SLC38A6: variants seen among roughly 807,000 people sequenced by gnomAD.
The protein encoded by SLC38A6 is solute carrier family 38 member 6, also known as N system amino acid transporter NAT-1.
Under a neutral mutation model 65.0 loss-of-function variants are expected in SLC38A6, and 73 were observed. The ratio of observed to expected loss-of-function variants is 1.12; its 90% CI spans 0.93 to 1.37. The LOEUF (loss-of-function observed/expected upper bound fraction) is 1.37, where lower values mean the gene tolerates loss of function less well. Among genes scored for constraint, SLC38A6 ranks in the 40% most tolerant of loss-of-function variants. The pLI is 0.00. For synonymous variants in SLC38A6, 183 were observed against 178.8 expected, an observed-to-expected ratio of 1.02 and a Z score of -0.19; for missense variants, 561 against 531.1, an observed-to-expected ratio of 1.06 and a Z score of -0.55.
intron 15 of SLC38A6, among the ~76,000 whole-genome samples, chr14:61,077,441 G>A (rs1243693294): frequency 6.6e-6 from 1 of 152,126 alleles, no homozygotes; most frequent in African/African-American, 2.4e-5. Flanking sequence ...ATCTAAATAA[G>A]TTCTGGTTTA....
chr14:61,046,019 C>A, intron 11 of SLC38A6, 48 bp from the exon 12 acceptor site: 1 of 1,164,040 alleles, frequency 8.6e-7, no homozygotes, highest in Non-Finnish European at 1.3e-6. Context: ...TGTTTCTTTA[C>A]ATATAATTCA....
In SLC38A6 at chr14:61,037,065, G is replaced by A. The variant is rs2041442075; in HGVS notation, c.489G>A (p.Trp163Ter). 1.3e-6 allele frequency: 2 copies of A among 1,584,072 alleles called. No individual in the cohort carries two copies. The highest frequency in any genetic ancestry group is 1.4e-5 in the African/African-American group (1 of 73,766). ...EFLTGDYSRY[W>*]YLDGQTLLII... ...AGAACTTTTTTTATAATAGATATTG[G>A]TATCTTGATGGACAAACACTACTAA... The change falls in exon 7 of 16, where the codon TGG (tryptophan) becomes TGA (stop). Residue 163 changes from tryptophan to a stop codon, truncating the protein, a stop_gained. Coordinates refer to ENST00000267488, the MANE Select transcript of SLC38A6 (RefSeq NM_153811.3). LOFTEE classifies it high-confidence loss of function.
At chr14:61,021,350 A>G (rs1339292753) in intron 5 of SLC38A6, among the ~76,000 whole-genome samples, 2 of 152,212 alleles carry the variant, frequency 1.3e-5, no homozygotes, top group African/African-American at 4.8e-5. Context: ...AATATAAAAA[A>G]GACACTAGAC....
rs1404194756 is a variant in SLC38A6, at chr14:61,039,800, T to C, written c.624+2117T>C. Among the ~76,000 whole-genome samples the C allele has an allele frequency of 7.9e-5, 12 of 152,252 alleles. No homozygotes were observed. In the East Asian group the frequency reaches 2.3e-3, roughly 29 times the overall value. The stretch of plus-strand genomic sequence containing the variant: ...TTTTCATTTATTATTCTTGTCAATA[T>C]GTGTTTGTAAATATGTATAGCATTT... On this transcript the variant is annotated intron_variant, in intron 8 of 15. Transcript: ENST00000267488.
chr14:61,051,831 C>G lies in SLC38A6; in HGVS notation c.1095C>G (p.Phe365Leu), dbSNP rs771388154. The G allele has an allele frequency of 6.8e-6, 11 of 1,612,354 alleles. No homozygotes were observed. The highest frequency in any genetic ancestry group is 9.3e-6 in the Non-Finnish European group (11 of 1,179,354). ...VTMMFFSNFP[F>L]SWIRHFLITL... is the part of the protein sequence containing the mutation. ...TGATGTTTTTCTCCAATTTTCCATTCTCATGGATTCGCCATTTTTTGATCA... is the reference window on the plus strand; with the variant it reads ...TGATGTTTTTCTCCAATTTTCCATTGTCATGGATTCGCCATTTTTTGATCA... The change falls in exon 14 of 16, where the codon TTC (phenylalanine) becomes TTG (leucine). Residue 365 changes from phenylalanine to leucine, a missense_variant. Physicochemically the swap from Phe to Leu is conservative, Grantham distance 22 (BLOSUM62 0). Transcript: ENST00000267488.
At chr14:61,040,183 A>G (rs1174030200) in intron 8 of SLC38A6, among the ~76,000 whole-genome samples, 2 of 151,474 alleles carry the variant, frequency 1.3e-5, no homozygotes, top group African/African-American at 2.4e-5. Flanking sequence ...TTTTTTTTTT[A>G]AGAGACAGAA....
intron 3 of SLC38A6, among the ~76,000 whole-genome samples, chr14:61,001,346 A>G (rs1216478657): frequency 1.3e-5 from 2 of 152,204 alleles, no homozygotes. Flanking sequence ...CCCCTTGTGT[A>G]GTGATTCCTT....
At position 61,037,695 on chromosome 14, in the gene SLC38A6, A is replaced by G. The variant is rs2041497122; in HGVS notation, c.624+12A>G. ...TCTTTGCTCTTGTGGTAAGTTTAAA[A>G]TATAATACATTGCTTATCTCCTCAC... On this transcript the variant is annotated intron_variant, in intron 8 of 15. Coordinates refer to ENST00000267488, the MANE Select transcript of SLC38A6 (RefSeq NM_153811.3). 6.6e-7 allele frequency: 1 copy of G among 1,520,016 alleles called. No homozygotes were observed. The highest frequency in any genetic ancestry group is 1.4e-5 in the African/African-American group (1 of 72,530). The allele number at this position is 1,520,016 out of a possible 1,614,324, so 94.2% of individuals were successfully genotyped here.
At chr14:61,080,400 A>G (rs74445562) in intron 16 of SLC38A6, among the ~76,000 whole-genome samples, 1,973 of 152,268 alleles carry the variant, frequency 0.013, 44 homozygotes, top group African/African-American at 0.045. Context: ...GCCTGGTGAA[A>G]GTCATAGCAC....
chr14:61,016,933 A>C (rs190902241), intron 4 of SLC38A6, among the ~76,000 whole-genome samples: 3 of 152,330 alleles, frequency 2.0e-5, no homozygotes, highest in East Asian at 3.9e-4. Context: ...AGGATACTCT[A>C]TCTGTAACTG....
At chr14:60,991,807 G>A (rs2037909946) in intron 3 of SLC38A6, among the ~76,000 whole-genome samples, 1 of 152,138 alleles carries the variant, frequency 6.6e-6, no homozygotes. Context: ...CATTATTCTT[G>A]TGTGTGCCTT....
Position 61,015,934 on chromosome 14 carries a change from T to C in SLC38A6, c.341T>C (p.Phe114Ser). The stretch of plus-strand genomic sequence containing the variant: ...ACATCTTATGAAGATCTTGGACTCT[T>C]TGCATTTGGATTACCTGGAAAGGTA... ...AVTSYEDLGL[F>S]AFGLPGKLVV... is the part of the protein sequence containing the mutation. Residue 114 changes from phenylalanine to serine, a missense_variant, in exon 4 of 16, where the codon TTT (phenylalanine) becomes TCT (serine). Phe to Ser is a radical substitution (Grantham distance 155). Coordinates refer to ENST00000267488, the MANE Select transcript of SLC38A6 (RefSeq NM_153811.3). 1 of 1,608,558 alleles carries C rather than the reference T, an allele frequency of 6.2e-7. No individual in the cohort carries two copies. Among genetic ancestry groups the C allele is most frequent in the Non-Finnish European group, 8.5e-7 (1 of 1,178,672 alleles).
downstream of SLC38A6, among the ~76,000 whole-genome samples, chr14:61,054,348 G>T (rs1342030915): frequency 6.6e-6 from 1 of 152,086 alleles, no homozygotes; most frequent in African/African-American, 2.4e-5. Context: ...GATTGCCCTG[G>T]CTATTCAGGC....
intron 15 of SLC38A6, among the ~76,000 whole-genome samples, chr14:61,065,820 C>G (rs8015226): frequency 0.027 from 4,063 of 152,296 alleles, 179 homozygotes; most frequent in African/African-American, 0.092. Context: ...TCTCTCTTCT[C>G]TGTCCTGCAT....
intron 5 of SLC38A6, among the ~76,000 whole-genome samples, chr14:61,020,846 CCT>C (rs1457507503): frequency 5.3e-5 from 8 of 152,034 alleles, no homozygotes; most frequent in Non-Finnish European, 1.2e-4. Flanking sequence ...CCCTCTTTAT[CCT>C]CTCTGTATAG....
chr14:61,000,300 A>G (rs947778481), intron 3 of SLC38A6, among the ~76,000 whole-genome samples: 2 of 152,256 alleles, frequency 1.3e-5, no homozygotes, highest in Non-Finnish European at 2.9e-5. Flanking sequence ...CAAAATAAAC[A>G]TGCAAGGCAA....
At chr14:61,015,857 CATAAAT>C in intron 3 of SLC38A6, 41 bp from the exon 4 acceptor site, 2 of 1,488,222 alleles carry the variant, frequency 1.3e-6, no homozygotes, top group Non-Finnish European at 1.8e-6. Context: ...GGACCTGACA[CATAAAT>C]AGTTTTGTGT....
intron 5 of SLC38A6, among the ~76,000 whole-genome samples, chr14:61,024,453 T>TA (rs2040504800): frequency 6.6e-6 from 1 of 152,194 alleles, no homozygotes; most frequent in South Asian, 2.1e-4. Flanking sequence ...GAGCCACTGC[T>TA]ACTGGGACCC....
At chr14:61,075,057 A>C (rs983821535) in intron 15 of SLC38A6, among the ~76,000 whole-genome samples, 1 of 152,200 alleles carries the variant, frequency 6.6e-6, no homozygotes, top group East Asian at 1.9e-4. Flanking sequence ...AGTGAGAGAG[A>C]TAGCTAAACC....
Sources: gnomAD v4.1 joint callset for allele counts (sites outside exome capture counted in the v4.1 genomes callset) on GRCh38, gnomAD v4.1.1 for gene constraint, MANE v1.5 for transcripts, NCBI Gene and HGNC (gene_info 2026-07-23, HGNC 2026-07-21) for gene names.